Variants in ARCN1 observed in about 807,000 individuals in gnomAD.
The protein encoded by ARCN1 is archain 1 coat protein complex I subunit delta.
A neutral mutation model predicts 60.4 loss-of-function variants in ARCN1; 5 were observed. The observed-to-expected ratio is 0.08, with a 90% confidence interval of 0.04 to 0.17. ARCN1 has a LOEUF of 0.17. Among genes scored for constraint, ARCN1 ranks in the 10% least tolerant of loss-of-function variants. The probability of loss-of-function intolerance (pLI) is 1.00; values close to 1 mark genes in which losing one functional copy is unlikely to be tolerated. For synonymous variants in ARCN1, 224 were observed against 220.0 expected, an observed-to-expected ratio of 1.02 and a Z score of -0.16; for missense variants, 464 against 626.5, an observed-to-expected ratio of 0.74 and a Z score of 2.77.
chr11:118,581,579 C>T, intron 2 of ARCN1, 70 bp downstream of exon 2: 2 of 1,509,518 alleles, frequency 1.3e-6, no homozygotes, highest in Non-Finnish European at 1.8e-6. Flanking sequence ...GTTTTTCCTC[C>T]AAAGCAGCTG....
At position 118,602,966 on chromosome 11, in the gene ARCN1, T is replaced by A. The variant is rs1206301098; in HGVS notation, c.*2252T>A. The A allele has an allele frequency of 6.5e-6, 1 of 153,804 alleles. No individual in the cohort carries two copies. Among genetic ancestry groups the A allele is most frequent in the Non-Finnish European group, 1.5e-5 (1 of 68,054 alleles). 9.5% of individuals were successfully genotyped at this position (153,804 alleles called of 1,614,324 possible). The stretch of plus-strand genomic sequence containing the variant: ...ATTATTGACTCACTTTGGTGTCTGC[T>A]TGTTGATTCAGGATGCTGTAATGGG... On this transcript the variant is annotated 3_prime_UTR_variant, in exon 10 of 10. Transcript: ENST00000264028.
chr11:118,597,704 C>CA lies in ARCN1; in HGVS notation c.1242-2dup. ...ACCTTGACCAGAATGTTTCTCACAA[C>CA]AGGTCTGGTGTCGGCGCGCCTGTTA... On this transcript the variant is annotated splice_polypyrimidine_tract_variant and splice_region_variant and intron_variant, in intron 8 of 9. Transcript: ENST00000264028. 1.9e-6 allele frequency: 3 copies of CA among 1,613,808 alleles called. No homozygotes were observed. Among genetic ancestry groups the CA allele is most frequent in the Non-Finnish European group, 2.5e-6 (3 of 1,179,938 alleles).
intron 1 of ARCN1, 47 bp from the exon 2 acceptor site, chr11:118,581,197 CAG>C: frequency 1.3e-6 from 2 of 1,598,522 alleles, no homozygotes; most frequent in South Asian, 2.2e-5. Flanking sequence ...GCTGAGAAAA[CAG>C]ATGTGAAGAA....
At chr11:118,582,465 T>G (rs1250744796) in intron 2 of ARCN1, among the ~76,000 whole-genome samples, 2 of 149,088 alleles carry the variant, frequency 1.3e-5, no homozygotes, top group Non-Finnish European at 3.0e-5. Context: ...TGGCTCACGC[T>G]TGTAATCCCA....
chr11:118,577,562 A>C (rs955638462), intron 1 of ARCN1, among the ~76,000 whole-genome samples: 1 of 152,130 alleles, frequency 6.6e-6, no homozygotes, highest in African/African-American at 2.4e-5. Context: ...TGTTTCTTCT[A>C]TCAAGTCATC....
At chr11:118,583,066 A>G (rs1336538791) in intron 2 of ARCN1, 113 bp from the exon 3 acceptor site, 25 of 1,203,488 alleles carry the variant, frequency 2.1e-5, no homozygotes, top group Non-Finnish European at 2.8e-5. Flanking sequence ...GACTAGAAGT[A>G]GCTAATAAAG....
chr11:118,590,139 G>T (rs1377027519), intron 5 of ARCN1, among the ~76,000 whole-genome samples: 1 of 152,170 alleles, frequency 6.6e-6, no homozygotes, highest in Admixed American at 6.5e-5. Flanking sequence ...GGGACTACAG[G>T]CATGCACCAC....
intron 8 of ARCN1, among the ~76,000 whole-genome samples, chr11:118,597,196 ACT>A (rs2135556018): frequency 6.6e-6 from 1 of 152,260 alleles, no homozygotes; most frequent in South Asian, 2.1e-4. Flanking sequence ...ACAGAGCAAG[ACT>A]CTGTCTCAAA....
At chr11:118,580,309 GTGAGAC>G (rs2135538431) in intron 1 of ARCN1, among the ~76,000 whole-genome samples, 1 of 152,240 alleles carries the variant, frequency 6.6e-6, no homozygotes, top group South Asian at 2.1e-4. Flanking sequence ...AGGTGACAAA[GTGAGAC>G]CCTGTCTCCA....
chr11:118,593,832 C>G (rs1289661371), intron 8 of ARCN1, 134 bp downstream of exon 8: 5 of 539,116 alleles, frequency 9.3e-6, no homozygotes, highest in Non-Finnish European at 1.7e-5. Flanking sequence ...GTGAAAGAAG[C>G]CAGATACAAA....
rs542387134 is a variant in ARCN1, at chr11:118,585,671, C to G, written c.818+1027C>G. Among the ~76,000 whole-genome samples, 388 of 152,236 alleles carry G rather than the reference C, an allele frequency of 2.5e-3. 2 individuals carry two copies. The highest frequency in any genetic ancestry group is 6.8e-3 in the Middle Eastern group (2 of 294). ...TCTCCCACCTCAGCCTCCCAAGTAGCTGGGACTACAGGCATGCACCACCAC... is the reference window on the plus strand; with the variant it reads ...TCTCCCACCTCAGCCTCCCAAGTAGGTGGGACTACAGGCATGCACCACCAC... On this transcript the variant is annotated intron_variant, in intron 5 of 9. Transcript: ENST00000264028.
At chr11:118,574,416 A>C (rs1938434268) in intron 1 of ARCN1, among the ~76,000 whole-genome samples, 2 of 152,164 alleles carry the variant, frequency 1.3e-5, no homozygotes, top group Admixed American at 1.3e-4. Flanking sequence ...TTTCATTATG[A>C]AATTTTCCAA....
At chr11:118,582,268 G>A (rs1239402238) in intron 2 of ARCN1, among the ~76,000 whole-genome samples, 1 of 152,034 alleles carries the variant, frequency 6.6e-6, no homozygotes, top group Non-Finnish European at 1.5e-5. Flanking sequence ...TCAGCCTCCC[G>A]AGTAGTTGAG....
At chr11:118,585,408 G>A (rs1198393568) in intron 5 of ARCN1, among the ~76,000 whole-genome samples, 3 of 152,092 alleles carry the variant, frequency 2.0e-5, no homozygotes, top group Non-Finnish European at 2.9e-5. Flanking sequence ...TGAATTAGGG[G>A]ACTAGAGCTA....
chr11:118,574,367 A>G (rs868955180), intron 1 of ARCN1, among the ~76,000 whole-genome samples: 1 of 152,188 alleles, frequency 6.6e-6, no homozygotes, highest in Admixed American at 6.5e-5. Context: ...TTTATCTAAA[A>G]GTTGTATCAA....
At chr11:118,572,746 C>T (rs1938377334) in intron 1 of ARCN1, 196 bp downstream of exon 1, 1 of 554,728 alleles carries the variant, frequency 1.8e-6, no homozygotes, top group Non-Finnish European at 3.1e-6. Context: ...TCCAGTCCAT[C>T]TGTCGTCGTG....
intron 1 of ARCN1, among the ~76,000 whole-genome samples, chr11:118,578,874 C>CTCT (rs1938584994): frequency 1.2e-5 from 1 of 83,454 alleles, no homozygotes; most frequent in African/African-American, 4.8e-5. Context: ...CCCCGTCTCT[C>CTCT]TTTTTTTTTT....
rs781872834 is a variant in ARCN1, at chr11:118,572,534, C to G, written c.-14C>G. 67 of 1,611,478 alleles carry G rather than the reference C, an allele frequency of 4.2e-5. No individual in the cohort carries two copies. Among genetic ancestry groups the G allele is most frequent in the Admixed American group, 1.7e-5 (1 of 59,824 alleles). On this transcript the variant is annotated 5_prime_UTR_variant, in exon 1 of 10. Transcript: ENST00000264028. ...GGAGCCGGAGTGCGGGCGCGCCCCACCACCGCCCTCACCATGGTAAGATCC... is the reference window on the plus strand; with the variant it reads ...GGAGCCGGAGTGCGGGCGCGCCCCAGCACCGCCCTCACCATGGTAAGATCC...
At chr11:118,583,598 A>G (rs1452230811) in intron 3 of ARCN1, among the ~76,000 whole-genome samples, 2 of 140,062 alleles carry the variant, frequency 1.4e-5, no homozygotes, top group Non-Finnish European at 3.3e-5. Flanking sequence ...TATAAAAAGT[A>G]AAAAAAAAAT....
Sources: allele counts gnomAD v4.1 joint callset (sites outside exome capture counted in the v4.1 genomes callset), GRCh38; gene constraint gnomAD v4.1.1; transcripts MANE v1.5; gene names NCBI Gene and HGNC (gene_info 2026-07-23, HGNC 2026-07-21).